The following TACC1 variants were observed in gnomAD, a reference collection of about 807,000 sequenced individuals.
TACC1 encodes transforming acidic coiled-coil containing protein 1.
In TACC1, 48 loss-of-function variants were observed where a neutral mutation model predicts 84.4. The observed-to-expected ratio is 0.57, with a 90% CI of 0.45 to 0.72. TACC1 has a LOEUF of 0.72. TACC1 is among the 30% of genes least tolerant of loss of function. TACC1 has a pLI of 0.00. For synonymous variants in TACC1, 372 were observed against 376.3 expected (o/e 0.99, Z 0.13); for missense variants, 920 against 973.0 (o/e 0.95, Z 0.72).
chr8:38,797,033 A>T (rs1226779379), intron 2 of TACC1, among the ~76,000 whole-genome samples: 1 of 152,226 alleles, frequency 6.6e-6, no homozygotes, highest in Non-Finnish European at 1.5e-5. Flanking sequence ...TCCTCTCCTA[A>T]GGCGGCTTAC....
chr8:38,760,275 T>C (rs1278901735), intron 3 of TACC1, among the ~76,000 whole-genome samples: 3 of 152,214 alleles, frequency 2.0e-5, no homozygotes, highest in Admixed American at 2.0e-4. Context: ...TATTGAGAAT[T>C]GTAGCTGCTA....
chr8:38,764,935 C>T (rs1417287595), intron 3 of TACC1, among the ~76,000 whole-genome samples: 1 of 152,132 alleles, frequency 6.6e-6, no homozygotes, highest in African/African-American at 2.4e-5. Context: ...CCTGTCTGTA[C>T]TAAAAATACA....
rs1434335299 is a variant in TACC1 at position 38,787,693 on chromosome 8, C to T, written c.111C>T (p.Gly37=). ...AGGACGAGGCTGGCGGGCCCGAGGG[C>T]GACCCCGAGGAGGAGGATTCGCAAG... is the stretch of plus-strand genomic sequence containing the variant. ...AGEDEAGGPE[G]DPEEEDSQAE... is the part of the protein sequence containing the mutation. The change falls in exon 1 of 13, where the codon GGC becomes GGT. Residue 37 remains glycine (G), a synonymous_variant. Coordinates refer to ENST00000317827, the MANE Select transcript of TACC1 (RefSeq NM_006283.3). The T allele has an allele frequency of 6.5e-7, 1 of 1,538,402 alleles. No individual in the cohort carries two copies. The highest frequency in any genetic ancestry group is 8.7e-7 in the Non-Finnish European group (1 of 1,148,036).
At chr8:38,772,143 C>G (rs1479433287) in intron 3 of TACC1, among the ~76,000 whole-genome samples, 1 of 151,790 alleles carries the variant, frequency 6.6e-6, no homozygotes, top group Non-Finnish European at 1.5e-5. Flanking sequence ...CAAATAAGAC[C>G]AGCAGTCCTT....
At chr8:38,831,462 G>A (rs553237699) in intron 6 of TACC1, among the ~76,000 whole-genome samples, 1 of 152,162 alleles carries the variant, frequency 6.6e-6, no homozygotes, top group African/African-American at 2.4e-5. Flanking sequence ...GATGTCTTGG[G>A]TTAACTAAGG....
chr8:38,833,927 A>G (rs1198734991), intron 6 of TACC1, among the ~76,000 whole-genome samples: 2 of 152,182 alleles, frequency 1.3e-5, no homozygotes, highest in Non-Finnish European at 1.5e-5. Flanking sequence ...TCAAGTCTCA[A>G]CTTGACCTCC....
rs913147283 is a variant in TACC1, at chr8:38,775,010, C to CAAAAA, written c.27-13679_27-13675dup. Among the ~76,000 whole-genome samples the CAAAAA allele has an allele frequency of 5.1e-3, 424 of 83,392 alleles. 5 individuals are homozygous for CAAAAA. The highest frequency in any genetic ancestry group is 0.014 in the African/African-American group (326 of 23,258). 54.7% of individuals were successfully genotyped at this position (83,392 alleles called of 152,430 possible). On this transcript the variant is annotated intron_variant, in intron 3 of 14. Coordinates refer to the TACC1 transcript ENST00000518415. Reference sequence around the variant, plus strand: ...TGGGTGACACGGTGAGACTCCGTCTCAAAAAAAAAAAAAAAAAAATGAAAA... The same window carrying CAAAAA: ...TGGGTGACACGGTGAGACTCCGTCTCAAAAAAAAAAAAAAAAAAAAAAAATGAAAA...
At chr8:38,800,342 T>A (rs1199269559) in intron 2 of TACC1, among the ~76,000 whole-genome samples, 1 of 152,232 alleles carries the variant, frequency 6.6e-6, no homozygotes, top group African/African-American at 2.4e-5. Flanking sequence ...ACAACTATTA[T>A]CTCAATTTAA....
chr8:38,735,346 A>G (rs1485440760), intron 1 of TACC1, among the ~76,000 whole-genome samples: 1 of 152,122 alleles, frequency 6.6e-6, no homozygotes, highest in African/African-American at 2.4e-5. Flanking sequence ...CTAAAGTTAC[A>G]TGGGTGCTGG....
At chr8:38,836,788 G>A (rs765485783) in intron 7 of TACC1, among the ~76,000 whole-genome samples, 10 of 152,230 alleles carry the variant, frequency 6.6e-5, no homozygotes, top group Non-Finnish European at 1.3e-4. Context: ...TGAAAAATAC[G>A]AAAGACACTG....
intron 2 of TACC1, among the ~76,000 whole-genome samples, chr8:38,812,082 A>G (rs1206727638): frequency 3.9e-5 from 6 of 152,146 alleles, no homozygotes; most frequent in Non-Finnish European, 7.4e-5. Flanking sequence ...TAGGATTGGG[A>G]AATTCCAGCC....
chr8:38,828,895 A>T (rs1283038430), intron 5 of TACC1, among the ~76,000 whole-genome samples: 3 of 152,200 alleles, frequency 2.0e-5, no homozygotes, highest in Non-Finnish European at 4.4e-5. Context: ...GATTATTTTC[A>T]TGATACTAGG....
Position 38,787,283 on chromosome 8 carries a change from G to A in TACC1, c.-300G>A, listed in dbSNP as rs1563472605. ...AGCAGCAGAGGTCTAGCAGCCGGGC[G>A]CCGCGGGCCGGGGGCCTGAGGAGGC... On this transcript the variant is annotated 5_prime_UTR_variant, in exon 1 of 13. Coordinates refer to ENST00000317827, the MANE Select transcript of TACC1 (RefSeq NM_006283.3). The A allele has an allele frequency of 1.4e-5, 15 of 1,096,022 alleles. No homozygotes were observed. Among genetic ancestry groups the A allele is most frequent in the Non-Finnish European group, 1.6e-5 (14 of 901,410 alleles). The allele number at this position is 1,096,022 out of a possible 1,614,324, so 67.9% of individuals were successfully genotyped here.
intron 5 of TACC1, 148 bp downstream of exon 5, chr8:38,827,523 C>T: frequency 1.3e-6 from 1 of 787,250 alleles, no homozygotes; most frequent in Non-Finnish European, 2.0e-6. Flanking sequence ...TGCTTCTTTA[C>T]CTGGAAAAGG....
intron 8 of TACC1, among the ~76,000 whole-genome samples, chr8:38,838,851 C>G (rs780963714): frequency 6.6e-6 from 1 of 151,774 alleles, no homozygotes; most frequent in East Asian, 1.9e-4. Context: ...ATTTGGAATA[C>G]AGAAAAATAA....
intron 3 of TACC1, among the ~76,000 whole-genome samples, chr8:38,772,409 G>A (rs1563374119): frequency 6.6e-6 from 1 of 152,244 alleles, no homozygotes; most frequent in Non-Finnish European, 1.5e-5. Context: ...GTGAAAAGAT[G>A]CATATGCATG....
At chr8:38,742,419 A>G in exon 2 of TACC1, 1 of 1,529,622 alleles carries the variant, frequency 6.5e-7, no homozygotes, top group Non-Finnish European at 8.8e-7. Context: ...TTCCAAGTAC[A>G]CTGAGATCAA....
intron 2 of TACC1, among the ~76,000 whole-genome samples, chr8:38,804,011 A>G (rs1034325945): frequency 6.6e-6 from 1 of 151,892 alleles, no homozygotes. Context: ...GAATTGATCT[A>G]TTTTATCGAA....
chr8:38,825,556 C>T (rs1053306490), intron 4 of TACC1, among the ~76,000 whole-genome samples, 188 bp downstream of exon 4: 9 of 151,832 alleles, frequency 5.9e-5, no homozygotes, highest in Non-Finnish European at 1.3e-4. Context: ...AACCCTTTCA[C>T]AATGACTCTT....
Sources: gnomAD v4.1 joint callset for allele counts (sites outside exome capture counted in the v4.1 genomes callset) on GRCh38, gnomAD v4.1.1 for gene constraint, MANE v1.5 for transcripts, NCBI Gene and HGNC (gene_info 2026-07-23, HGNC 2026-07-21) for gene names.